Variants in RIMS4 observed in about 807,000 individuals in gnomAD.
RIMS4 encodes the protein regulating synaptic membrane exocytosis 4.
A neutral mutation model predicts 29.0 loss-of-function variants in RIMS4; 9 were observed. That is an observed-to-expected ratio of 0.31 (90% CI 0.19 to 0.54). RIMS4 has a LOEUF of 0.54. RIMS4 is among the 20% of genes least tolerant of loss of function. The probability of loss-of-function intolerance (pLI) is 0.94; values close to 1 mark genes in which losing one functional copy is unlikely to be tolerated. For missense variants in RIMS4, 193 were observed against 365.7 expected, an observed-to-expected ratio of 0.53 and a Z score of 3.85; for synonymous variants, 130 against 152.9, an observed-to-expected ratio of 0.85 and a Z score of 1.10.
chr20:44,810,147 G>T, intron 1 of RIMS4, 28 bp downstream of exon 1: 2 of 1,482,084 alleles, frequency 1.3e-6, no homozygotes, highest in East Asian at 2.5e-5. Flanking sequence ...GACACCCCGG[G>T]GGTCTGGGGG....
rs536981655 is a variant in RIMS4, at chr20:44,802,362, C to T, written c.97+7813G>A. On this transcript the variant is annotated intron_variant, in intron 1 of 5. Coordinates refer to ENST00000372851, the MANE Select transcript of RIMS4 (RefSeq NM_182970.4). The stretch of plus-strand genomic sequence containing the variant: ...ATTATTATGCCCCATTTTACAGATG[C>T]GGACATTGAACCCCAGAGGGTTGAA... Among the ~76,000 whole-genome samples the T allele has an allele frequency of 4.6e-5, 7 of 152,276 alleles. No homozygotes were observed. The East Asian group carries it at 5.8e-4, about 13-fold the overall frequency.
chr20:44,787,933 C>T (rs533587256), intron 1 of RIMS4, among the ~76,000 whole-genome samples: 36 of 152,320 alleles, frequency 2.4e-4, no homozygotes, highest in Non-Finnish European at 4.6e-4. Context: ...CTTGTAGAAT[C>T]GTATCTCATT....
chr20:44,758,000 G>C, intron 3 of RIMS4, 72 bp downstream of exon 3: 1 of 1,163,900 alleles, frequency 8.6e-7, no homozygotes, highest in Non-Finnish European at 1.3e-6. Context: ...GGGGAAGGAG[G>C]GAGAGACGCT....
chr20:44,800,124 C>T (rs1183086423), intron 1 of RIMS4, among the ~76,000 whole-genome samples: 1 of 152,196 alleles, frequency 6.6e-6, no homozygotes, highest in African/African-American at 2.4e-5. Context: ...TTTCACCATG[C>T]TATACTGCCT....
At chr20:44,800,131 G>A (rs1329877639) in intron 1 of RIMS4, among the ~76,000 whole-genome samples, 5 of 152,166 alleles carry the variant, frequency 3.3e-5, no homozygotes, top group Admixed American at 1.3e-4. Context: ...ATGCTATACT[G>A]CCTAGTGCAA....
At chr20:44,795,688 C>T (rs958507312) in intron 1 of RIMS4, among the ~76,000 whole-genome samples, 1 of 151,742 alleles carries the variant, frequency 6.6e-6, no homozygotes, top group Non-Finnish European at 1.5e-5. Context: ...TTTTGGGGCT[C>T]GAATGAGTGA....
At chr20:44,764,255 C>CATCCATCCATCCATCCATCCATCCATCCA (rs1325046131) in intron 2 of RIMS4, among the ~76,000 whole-genome samples, 2 of 144,316 alleles carry the variant, frequency 1.4e-5, no homozygotes, top group African/African-American at 5.2e-5. Flanking sequence ...TCCATCCATC[C>CATCCATCCATCCATCCATCCATCCATCCA]TCCCACAAAC....
At chr20:44,772,006 A>G (rs1383601890) in intron 1 of RIMS4, among the ~76,000 whole-genome samples, 4 of 152,154 alleles carry the variant, frequency 2.6e-5, no homozygotes, top group African/African-American at 9.7e-5. Flanking sequence ...GACTACTCGC[A>G]CTGAAACCAG....
chr20:44,795,469 A>G (rs1324105381), intron 1 of RIMS4, among the ~76,000 whole-genome samples: 3 of 152,058 alleles, frequency 2.0e-5, no homozygotes, highest in Non-Finnish European at 4.4e-5. Flanking sequence ...CCCCATCTCC[A>G]CTAAAACAAA....
chr20:44,770,065 C>T (rs1246555430), intron 2 of RIMS4, among the ~76,000 whole-genome samples: 1 of 152,208 alleles, frequency 6.6e-6, no homozygotes, highest in African/African-American at 2.4e-5. Context: ...TAGCCACATG[C>T]TTCTAGTGGC....
chr20:44,785,103 T>C (rs1474652389), intron 1 of RIMS4, among the ~76,000 whole-genome samples: 4 of 152,224 alleles, frequency 2.6e-5, no homozygotes, highest in Non-Finnish European at 5.9e-5. Flanking sequence ...TTCTTCATTG[T>C]TCAAGGAGCC....
At chr20:44,763,918 C>T (rs900083469) in intron 2 of RIMS4, among the ~76,000 whole-genome samples, 2 of 152,122 alleles carry the variant, frequency 1.3e-5, no homozygotes, top group East Asian at 1.9e-4. Flanking sequence ...TTACGGGTTC[C>T]CTGTCCATCC....
At chr20:44,805,398 C>G (rs925439655) in intron 1 of RIMS4, among the ~76,000 whole-genome samples, 1 of 152,188 alleles carries the variant, frequency 6.6e-6, no homozygotes, top group African/African-American at 2.4e-5. Flanking sequence ...TGGTTCAATT[C>G]TCCATCATGC....
intron 3 of RIMS4, 36 bp downstream of exon 3, chr20:44,758,036 C>T: frequency 6.8e-7 from 1 of 1,467,988 alleles, no homozygotes; most frequent in African/African-American, 1.4e-5. Flanking sequence ...CACCCAACTC[C>T]CCTAGTCCAT....
intron 1 of RIMS4, among the ~76,000 whole-genome samples, chr20:44,773,565 C>T (rs938731834): frequency 3.3e-5 from 5 of 152,084 alleles, no homozygotes; most frequent in South Asian, 2.1e-4. Context: ...ACACCTGCCT[C>T]GGCTCCCTCC....
chr20:44,785,736 G>A (rs2145466390), intron 1 of RIMS4, among the ~76,000 whole-genome samples: 1 of 150,544 alleles, frequency 6.6e-6, no homozygotes, highest in South Asian at 2.1e-4. Flanking sequence ...GATTGGGGAT[G>A]ATACATAGGT....
At chr20:44,789,310 T>A (rs1601037972) in intron 1 of RIMS4, among the ~76,000 whole-genome samples, 1 of 152,202 alleles carries the variant, frequency 6.6e-6, no homozygotes, top group East Asian at 1.9e-4. Flanking sequence ...TTATTATAAT[T>A]TTTTTGAGAC....
At chr20:44,792,113 G>C (rs2066235270) in intron 1 of RIMS4, among the ~76,000 whole-genome samples, 1 of 151,968 alleles carries the variant, frequency 6.6e-6, no homozygotes, top group South Asian at 2.1e-4. Context: ...TTCCTCCTGG[G>C]CTGAGAAAGT....
chr20:44,776,872 C>A (rs1039858158), intron 1 of RIMS4, among the ~76,000 whole-genome samples: 1 of 152,122 alleles, frequency 6.6e-6, no homozygotes, highest in Non-Finnish European at 1.5e-5. Flanking sequence ...AAATGAGGAT[C>A]GAGAAGGTTA....
Sources: gnomAD v4.1 joint callset for allele counts (sites outside exome capture counted in the v4.1 genomes callset) on GRCh38, gnomAD v4.1.1 for gene constraint, MANE v1.5 for transcripts, NCBI Gene and HGNC (gene_info 2026-07-23, HGNC 2026-07-21) for gene names.